The following ALDH8A1 variants were observed in gnomAD, a reference collection of about 807,000 sequenced individuals.
The protein encoded by ALDH8A1 is aldehyde dehydrogenase 8 family member A1.
In ALDH8A1, 39 loss-of-function variants were observed where a neutral mutation model predicts 43.3. The observed-to-expected ratio is 0.90, with a 90% CI of 0.70 to 1.18. ALDH8A1 has a LOEUF of 1.18. ALDH8A1 is among the 50% of genes most tolerant of loss of function. The probability of loss-of-function intolerance (pLI) is 0.00; values close to 1 mark genes in which losing one functional copy is unlikely to be tolerated. For missense variants in ALDH8A1, 605 were observed against 622.6 expected, an observed-to-expected ratio of 0.97 and a Z score of 0.30; for synonymous variants, 233 against 243.5, an observed-to-expected ratio of 0.96 and a Z score of 0.40.
At chr6:134,948,502 AATT>A (rs1232100210) in intron 1 of ALDH8A1, among the ~76,000 whole-genome samples, 1 of 152,188 alleles carries the variant, frequency 6.6e-6, no homozygotes, top group African/African-American at 2.4e-5. Flanking sequence ...AAAGATGTAC[AATT>A]ATTATGTATC....
intron 3 of ALDH8A1, 22 bp downstream of exon 3, chr6:134,942,387 G>A (rs1319933589): frequency 1.3e-6 from 2 of 1,569,910 alleles, no homozygotes; most frequent in Middle Eastern, 1.8e-4. Context: ...CGGGAGGTGG[G>A]CTCTCACTGA....
chr6:134,932,503 A>G (rs1562254876), intron 5 of ALDH8A1, among the ~76,000 whole-genome samples: 1 of 152,230 alleles, frequency 6.6e-6, no homozygotes, highest in South Asian at 2.1e-4. Context: ...TGCTTGGAGC[A>G]GCAACATCAA....
intron 2 of ALDH8A1, 76 bp downstream of exon 2, chr6:134,943,743 G>C: frequency 1.3e-6 from 2 of 1,554,446 alleles, no homozygotes; most frequent in Non-Finnish European, 1.7e-6. Flanking sequence ...GGGCTGGCCT[G>C]ATGGCCCCAA....
intron 2 of ALDH8A1, among the ~76,000 whole-genome samples, 196 bp downstream of exon 2, chr6:134,943,623 G>A (rs145595716): frequency 1.2e-4 from 19 of 152,244 alleles, no homozygotes; most frequent in African/African-American, 4.6e-4. Flanking sequence ...ACTTTCTCTG[G>A]CCATCTGAAT....
At chr6:134,947,508 A>C (rs1773973896) in intron 1 of ALDH8A1, among the ~76,000 whole-genome samples, 1 of 152,212 alleles carries the variant, frequency 6.6e-6, no homozygotes, top group African/African-American at 2.4e-5. Flanking sequence ...AGAATATATA[A>C]GGAGCTTGAG....
intron 3 of ALDH8A1, 77 bp from the exon 4 acceptor site, chr6:134,939,492 G>T: frequency 6.7e-7 from 1 of 1,496,466 alleles, no homozygotes; most frequent in Non-Finnish European, 9.0e-7. Flanking sequence ...GGTTATTAAC[G>T]CAAAACTCCT....
At chr6:134,930,720 A>G (rs1776971042) in intron 5 of ALDH8A1, among the ~76,000 whole-genome samples, 1 of 152,232 alleles carries the variant, frequency 6.6e-6, no homozygotes, top group Non-Finnish European at 1.5e-5. Context: ...ACATCAGGGA[A>G]GGAGAGCATG....
intron 3 of ALDH8A1, among the ~76,000 whole-genome samples, chr6:134,941,805 G>GTC (rs1773859945): frequency 6.6e-6 from 1 of 152,020 alleles, no homozygotes; most frequent in African/African-American, 2.4e-5. Flanking sequence ...TTACAGGCGT[G>GTC]AGCCACTGCG....
intron 6 of ALDH8A1, among the ~76,000 whole-genome samples, chr6:134,922,062 G>C (rs914515676): frequency 1.7e-4 from 26 of 152,208 alleles, no homozygotes; most frequent in Non-Finnish European, 1.5e-5. Context: ...CTGTGCACAC[G>C]CTCAGAGTGG....
At chr6:134,926,021 C>T (rs1272780400) in intron 6 of ALDH8A1, among the ~76,000 whole-genome samples, 1 of 152,006 alleles carries the variant, frequency 6.6e-6, no homozygotes, top group East Asian at 1.9e-4. Flanking sequence ...GGTAATGGAA[C>T]AGATCGTAGC....
At chr6:134,925,311 T>C (rs1335242895) in intron 6 of ALDH8A1, among the ~76,000 whole-genome samples, 1 of 152,216 alleles carries the variant, frequency 6.6e-6, no homozygotes, top group Non-Finnish European at 1.5e-5. Context: ...GGCCCCTTTA[T>C]CGTTGTCATG....
At chr6:134,939,739 T>A (rs567071151) in intron 3 of ALDH8A1, among the ~76,000 whole-genome samples, 3 of 152,322 alleles carry the variant, frequency 2.0e-5, no homozygotes, top group African/African-American at 7.2e-5. Flanking sequence ...TATAAATCAT[T>A]CTATTATAAA....
intron 1 of ALDH8A1, among the ~76,000 whole-genome samples, chr6:134,947,810 G>A (rs1335820121): frequency 4.6e-5 from 7 of 150,870 alleles, no homozygotes; most frequent in Non-Finnish European, 8.8e-5. Context: ...AAGTAAATTA[G>A]TGCAGCCATT....
At chr6:134,932,470 C>CT (rs768715097) in intron 5 of ALDH8A1, among the ~76,000 whole-genome samples, 18 of 152,158 alleles carry the variant, frequency 1.2e-4, no homozygotes, top group African/African-American at 1.7e-4. Flanking sequence ...GACAGGGCAG[C>CT]TGTGTGAATA....
At chr6:134,930,972 G>A (rs985344405) in intron 5 of ALDH8A1, among the ~76,000 whole-genome samples, 2 of 152,156 alleles carry the variant, frequency 1.3e-5, no homozygotes, top group African/African-American at 4.8e-5. Flanking sequence ...ATTAGTACAT[G>A]TCCAGGGTCA....
At chr6:134,937,627 G>A (rs1250096697) in intron 4 of ALDH8A1, among the ~76,000 whole-genome samples, 2 of 152,168 alleles carry the variant, frequency 1.3e-5, no homozygotes, top group African/African-American at 4.8e-5. Flanking sequence ...AGGAGAGAGT[G>A]GTTAAGGGAA....
At chr6:134,928,282 T>C (rs182634406) in intron 6 of ALDH8A1, among the ~76,000 whole-genome samples, 2 of 152,320 alleles carry the variant, frequency 1.3e-5, no homozygotes, top group East Asian at 3.9e-4. Context: ...CATCTTTCCA[T>C]CTGCAGGCAA....
chr6:134,921,962 A>G (rs539884251), intron 6 of ALDH8A1, among the ~76,000 whole-genome samples: 15 of 152,376 alleles, frequency 9.8e-5, no homozygotes, highest in African/African-American at 3.6e-4. Context: ...CAGAGACAGC[A>G]GGGCTTTCTC....
intron 3 of ALDH8A1, among the ~76,000 whole-genome samples, chr6:134,939,975 G>A (rs1268742779): frequency 6.6e-6 from 1 of 152,172 alleles, no homozygotes; most frequent in African/African-American, 2.4e-5. Flanking sequence ...CACAGAAACA[G>A]AAAACCAAAC....
Sources: allele counts gnomAD v4.1 joint callset (sites outside exome capture counted in the v4.1 genomes callset), GRCh38; gene constraint gnomAD v4.1.1; transcripts MANE v1.5; gene names NCBI Gene and HGNC (gene_info 2026-07-23, HGNC 2026-07-21).